Variants in PKD1L3 observed in about 807,000 individuals in gnomAD.
PKD1L3 encodes the protein polycystin-1-like protein 3.
PKD1L3 carries 239 observed loss-of-function variants against 184.1 expected under a neutral mutation model. The ratio of observed to expected loss-of-function variants is 1.30; its 90% confidence interval spans 1.17 to 1.45. PKD1L3 has a LOEUF of 1.45. Among genes scored for constraint, PKD1L3 ranks in the 40% most tolerant of loss-of-function variants. The probability of loss-of-function intolerance (pLI) is 0.00; values close to 1 mark genes in which losing one functional copy is unlikely to be tolerated. For synonymous variants in PKD1L3, 996 were observed against 778.8 expected (o/e 1.28, Z -4.64); for missense variants, 2,660 against 2,067.2 (o/e 1.29, Z -5.56).
rs777205140 is a variant in PKD1L3, at chr16:71,934,053, C to T, written c.4686G>A (p.Leu1562=). ...ATHLVGFPVL[L]ATVQLWNLLR... is the part of the protein sequence containing the mutation. The stretch of plus-strand genomic sequence containing the variant: ...GCAGGTTCCATAACTGAACAGTTGC[C>T]AGGAGAACCGGGAAGCCCACAAGGT... The change falls in exon 27 of 30, where the codon CTG becomes CTA. Residue 1562 remains leucine (L), a synonymous_variant. Transcript: ENST00000620267. The T allele has an allele frequency of 2.6e-5, 40 of 1,551,942 alleles. No individual in the cohort carries two copies. In the South Asian group the frequency reaches 4.6e-4, roughly 18 times the overall value.
At chr16:71,944,005 GTA>G in intron 23 of PKD1L3, 23 bp downstream of exon 23, 1 of 1,544,288 alleles carries the variant, frequency 6.5e-7, no homozygotes, top group Non-Finnish European at 8.8e-7. Context: ...TGTGTTATCA[GTA>G]TGTTGCCATT....
At chr16:71,945,382 A>AT in intron 22 of PKD1L3, among the ~76,000 whole-genome samples, 1 of 55,602 alleles carries the variant, frequency 1.8e-5, no homozygotes, top group African/African-American at 9.1e-5. Context: ...ACGCACACAC[A>AT]CATATATATA....
chr16:71,943,982 C>T (rs2038460737), intron 23 of PKD1L3, 48 bp downstream of exon 23: 2 of 1,499,244 alleles, frequency 1.3e-6, no homozygotes, highest in Non-Finnish European at 1.8e-6. Flanking sequence ...CCTTTCCCTT[C>T]TGGAAAAGGT....
chr16:71,931,079 T>G (rs1201537878), intron 28 of PKD1L3: 1 of 151,078 alleles, frequency 6.6e-6, no homozygotes, highest in African/African-American at 2.4e-5. Context: ...ACTGTTTATT[T>G]TTTGTTTGCT....
intron 24 of PKD1L3, among the ~76,000 whole-genome samples, chr16:71,937,658 C>A (rs2038226552): frequency 6.6e-6 from 1 of 151,944 alleles, no homozygotes; most frequent in Non-Finnish European, 1.5e-5. Context: ...ATGCTGTTGA[C>A]CCTACCTTGA....
chr16:71,935,011 A>G (rs1236565411), intron 26 of PKD1L3, among the ~76,000 whole-genome samples: 5 of 152,218 alleles, frequency 3.3e-5, no homozygotes, highest in African/African-American at 1.2e-4. Flanking sequence ...GGATGGGACT[A>G]TGTGTTGTGG....
intron 24 of PKD1L3, among the ~76,000 whole-genome samples, chr16:71,938,217 G>A (rs1206613067): frequency 6.6e-6 from 1 of 152,262 alleles, no homozygotes; most frequent in Non-Finnish European, 1.5e-5. Flanking sequence ...CACCTGCTCT[G>A]ATTTTGGAGC....
In PKD1L3 at chr16:71,969,959, C is replaced by A. The variant is rs1284473941; in HGVS notation, c.2100G>T (p.Gly700=). The change falls in exon 13 of 30, where the codon GGG becomes GGT. Residue 700 remains glycine (G), a synonymous_variant. Coordinates refer to ENST00000620267, the MANE Select transcript of PKD1L3 (RefSeq NM_181536.2). The stretch of plus-strand genomic sequence containing the variant: ...CTAAAAGGCTGGCCAGCAGTGACAC[C>A]CCAACAGGATTGTTGGTCACGCGAA... The part of the protein sequence containing the change: ...LFLRVTNNPV[G]VSLLASLLGF... 1.3e-6 allele frequency: 2 copies of A among 1,551,784 alleles called. No individual in the cohort carries two copies. Among genetic ancestry groups the A allele is most frequent in the East Asian group, 4.9e-5 (2 of 40,910 alleles).
Position 71,999,772 on chromosome 16 carries a change from G to A in PKD1L3, c.207C>T (p.Leu69=), listed in dbSNP as rs1294063739. ...AHIWNKEVQD[L]IRDYLEEGKK... ...TTCCTTCTTCCAGATAGTCCCGGAT[G>A]AGATCTTGAACTTCCTTGTTCCAAA... The change falls in exon 1 of 30, where the codon CTC becomes CTT. Residue 69 remains leucine (L), a synonymous_variant. Coordinates refer to ENST00000620267, the MANE Select transcript of PKD1L3 (RefSeq NM_181536.2). The A allele has an allele frequency of 1.9e-6, 3 of 1,551,616 alleles. No homozygotes were observed. The highest frequency in any genetic ancestry group is 2.6e-6 in the Non-Finnish European group (3 of 1,147,000).
chr16:71,964,928 C>G (rs1597331783), intron 15 of PKD1L3, among the ~76,000 whole-genome samples: 1 of 150,906 alleles, frequency 6.6e-6, no homozygotes. Context: ...CTCACTGCAA[C>G]CTCCACCTCT....
chr16:71,986,735 G>C (rs1015020503), intron 4 of PKD1L3, among the ~76,000 whole-genome samples: 1 of 152,056 alleles, frequency 6.6e-6, no homozygotes, highest in Non-Finnish European at 1.5e-5. Flanking sequence ...ATGTTCTAGA[G>C]AACTGAATAT....
At chr16:71,988,484 C>T (rs1018307076) in intron 4 of PKD1L3, among the ~76,000 whole-genome samples, 1 of 152,156 alleles carries the variant, frequency 6.6e-6, no homozygotes, top group African/African-American at 2.4e-5. Context: ...CATAAGCCAC[C>T]GCACCAAGCC....
At position 71,937,408 on chromosome 16, in the gene PKD1L3, T is replaced by C. The variant is rs143870675; in HGVS notation, c.4336A>G (p.Thr1446Ala). ...GTGAAGCTTTCCAGTCTCAAAGAGG[T>C]GAAGAAAGCACCTGAGAATAACAAA... ...FSYIMRGAFFTSLRLESFTSL... is the reference protein window; with the variant it reads ...FSYIMRGAFFASLRLESFTSL... Residue 1446 changes from threonine (T) to alanine (A), a missense_variant, in exon 25 of 30, where the codon ACC (threonine) becomes GCC (alanine). By Grantham distance (58) the Thr-to-Ala change is moderately conservative. Coordinates refer to ENST00000620267, the MANE Select transcript of PKD1L3 (RefSeq NM_181536.2). 197 of 1,551,408 alleles carry C rather than the reference T, an allele frequency of 1.3e-4. No individual in the cohort carries two copies. The African/African-American group carries it at 2.5e-3, about 19-fold the overall frequency.
intron 13 of PKD1L3, among the ~76,000 whole-genome samples, chr16:71,969,471 C>CTTTT (rs71391427): frequency 1.4e-4 from 16 of 117,342 alleles, no homozygotes; most frequent in African/African-American, 1.6e-4. Flanking sequence ...ATGCCAGGCT[C>CTTTT]TTTTTTTTTT....
chr16:71,952,943 C>T lies in PKD1L3; in HGVS notation c.2960G>A (p.Cys987Tyr), dbSNP rs2143397319. The change falls in exon 18 of 30, where the codon TGC becomes TAC. Residue 987 changes from cysteine to tyrosine, a missense_variant. By Grantham distance (194) the Cys-to-Tyr change is radical. Transcript: ENST00000620267. Reference sequence around the variant, plus strand: ...AGGCTCAACAGAAGCATCTGAGAGGCAGGAGGCCTGGATGGGAGGAAAGAG... The same window carrying T: ...AGGCTCAACAGAAGCATCTGAGAGGTAGGAGGCCTGGATGGGAGGAAAGAG... ...LPLFPPIQAS[C>Y]LSDASVEPLS... 6.4e-7 allele frequency: 1 copy of T among 1,551,034 alleles called. No homozygotes were observed. The highest frequency in any genetic ancestry group is 8.7e-7 in the Non-Finnish European group (1 of 1,146,834).
At chr16:71,963,562 G>A (rs899126705) in intron 15 of PKD1L3, among the ~76,000 whole-genome samples, 9 of 152,192 alleles carry the variant, frequency 5.9e-5, no homozygotes, top group Admixed American at 2.6e-4. Flanking sequence ...CAGGTGGATT[G>A]CTTGAGCTCA....
At chr16:71,997,300 A>C (rs996927114) in intron 2 of PKD1L3, among the ~76,000 whole-genome samples, 2 of 151,656 alleles carry the variant, frequency 1.3e-5, no homozygotes, top group African/African-American at 2.4e-5. Flanking sequence ...TTAAGAAATC[A>C]CCAAGGCCGG....
At chr16:71,934,818 G>T (rs537166911) in intron 26 of PKD1L3, among the ~76,000 whole-genome samples, 1 of 152,190 alleles carries the variant, frequency 6.6e-6, no homozygotes, top group South Asian at 2.1e-4. Context: ...CACCCAGGCT[G>T]TTGGCCACTG....
At chr16:71,990,186 A>G (rs960055813) in intron 4 of PKD1L3, 94 bp downstream of exon 4, 30 of 1,113,920 alleles carry the variant, frequency 2.7e-5, no homozygotes, top group South Asian at 6.9e-5. Context: ...AACTATATTC[A>G]GAACACTCTA....
Sources: gnomAD v4.1 joint callset for allele counts (sites outside exome capture counted in the v4.1 genomes callset) on GRCh38, gnomAD v4.1.1 for gene constraint, MANE v1.5 for transcripts, NCBI Gene and HGNC (gene_info 2026-07-23, HGNC 2026-07-21) for gene names.